Variants in CADPS observed in about 807,000 individuals in gnomAD.
CADPS encodes the protein calcium dependent secretion activator.
CADPS carries 57 observed loss-of-function variants against 167.3 expected under a neutral mutation model. The ratio of observed to expected loss-of-function variants is 0.34; its 90% CI spans 0.28 to 0.42. The LOEUF is 0.42. CADPS is among the 20% of genes least tolerant of loss of function. CADPS has a pLI of 1.00. For missense variants in CADPS, 1,414 were observed against 1,738.1 expected (o/e 0.81, Z 3.32); for synonymous variants, 676 against 635.3 (o/e 1.06, Z -0.96).
chr3:62,523,751 A>C (rs1378839197), intron 13 of CADPS, among the ~76,000 whole-genome samples: 1 of 152,228 alleles, frequency 6.6e-6, no homozygotes, highest in African/African-American at 2.4e-5. Flanking sequence ...TTCAGGCTCC[A>C]GTCACTACCA....
intron 3 of CADPS, among the ~76,000 whole-genome samples, chr3:62,676,883 C>A (rs552607065): frequency 6.6e-6 from 1 of 152,222 alleles, no homozygotes; most frequent in Non-Finnish European, 1.5e-5. Context: ...AACAAGATAG[C>A]GCCCTGGGTG....
At chr3:62,571,130 T>G (rs2081215712) in intron 8 of CADPS, among the ~76,000 whole-genome samples, 192 bp from the exon 9 acceptor site, 1 of 152,164 alleles carries the variant, frequency 6.6e-6, no homozygotes, top group South Asian at 2.1e-4. Flanking sequence ...ACAGGAGGAA[T>G]TGAGGCCTAT....
intron 1 of CADPS, among the ~76,000 whole-genome samples, chr3:62,830,425 T>C (rs1383738855): frequency 2.0e-5 from 3 of 152,204 alleles, no homozygotes; most frequent in Non-Finnish European, 4.4e-5. Flanking sequence ...TCTTTTTCCC[T>C]CTTGGATATA....
chr3:62,612,540 T>C (rs833631), intron 6 of CADPS, among the ~76,000 whole-genome samples: 141,765 of 152,282 alleles, frequency 0.93, 66,017 homozygotes, highest in Admixed American at 0.96. Context: ...CTTCTGAACC[T>C]TCTGATTCCA....
intron 3 of CADPS, among the ~76,000 whole-genome samples, chr3:62,663,999 A>G (rs1170948222): frequency 6.6e-6 from 1 of 152,106 alleles, no homozygotes; most frequent in African/African-American, 2.4e-5. Context: ...GATTTTGACC[A>G]ACTCAACTAT....
At chr3:62,657,715 C>T (rs1251469957) in intron 4 of CADPS, among the ~76,000 whole-genome samples, 2 of 152,152 alleles carry the variant, frequency 1.3e-5, no homozygotes, top group African/African-American at 4.8e-5. Flanking sequence ...CCGTCTCTGT[C>T]TGATGATTCG....
At chr3:62,759,806 T>C (rs1027534173) in intron 2 of CADPS, among the ~76,000 whole-genome samples, 3 of 152,184 alleles carry the variant, frequency 2.0e-5, no homozygotes, top group African/African-American at 7.2e-5. Context: ...GTCTGTTTTA[T>C]TTTTATAGTG....
chr3:62,781,487 T>G (rs1344323930), intron 1 of CADPS, among the ~76,000 whole-genome samples: 1 of 152,108 alleles, frequency 6.6e-6, no homozygotes, highest in East Asian at 1.9e-4. Flanking sequence ...CCTGGGCCTC[T>G]GACACATCAG....
In CADPS at chr3:62,403,135, C is replaced by T; in HGVS notation, c.3828G>A (p.Arg1276=). 1 of 1,613,722 alleles carries T rather than the reference C, an allele frequency of 6.2e-7. No homozygotes were observed. Among genetic ancestry groups the T allele is most frequent in the Non-Finnish European group, 8.5e-7 (1 of 1,179,718 alleles). Reference sequence around the variant, plus strand: ...GATAAATATGAAGCTGTAAGTCCATCCGGTCCGTCAACCAGGTGCAGATCA... The same window carrying T: ...GATAAATATGAAGCTGTAAGTCCATTCGGTCCGTCAACCAGGTGCAGATCA... ...MNVICTWLTD[R]MDLQLHIYQL... The change falls in exon 29 of 30, where the codon CGG becomes CGA. Residue 1276 remains arginine (R), a synonymous_variant. Transcript: ENST00000383710.
At chr3:62,608,198 C>T (rs2060960955) in intron 6 of CADPS, among the ~76,000 whole-genome samples, 1 of 151,908 alleles carries the variant, frequency 6.6e-6, no homozygotes, top group Non-Finnish European at 1.5e-5. Flanking sequence ...TACTGTGGGA[C>T]CCCACACCCA....
intron 6 of CADPS, among the ~76,000 whole-genome samples, chr3:62,616,226 T>C (rs962420226): frequency 6.6e-6 from 1 of 152,238 alleles, no homozygotes; most frequent in African/African-American, 2.4e-5. Flanking sequence ...TAAATTTTTA[T>C]GAATTATTTG....
At chr3:62,657,121 G>C (rs183474068) in intron 4 of CADPS, among the ~76,000 whole-genome samples, 8 of 152,258 alleles carry the variant, frequency 5.3e-5, no homozygotes, top group Non-Finnish European at 8.8e-5. Flanking sequence ...TCTTTCTCTG[G>C]TAGGAGAGGA....
At position 62,544,363 on chromosome 3, in the gene CADPS, G is replaced by GTATC. The variant is rs928898283; in HGVS notation, c.1966+5536_1966+5539dup. ...TTTCCTACCCCACTTATTTTTTAAG[G>GTATC]TATCCATGGTTACCACACCACTGGT... On this transcript the variant is annotated intron_variant, in intron 11 of 29. Coordinates refer to ENST00000383710, the MANE Select transcript of CADPS (RefSeq NM_003716.4). The surrounding 1 kb of genome is among the most constrained non-coding windows in gnomAD (Gnocchi z 4.4). 6.6e-6 allele frequency among the ~76,000 whole-genome samples: 1 copy of GTATC among 151,864 alleles called. No individual in the cohort carries two copies. The highest frequency in any genetic ancestry group is 2.4e-5 in the African/African-American group (1 of 41,334).
chr3:62,674,657 A>C lies in CADPS; in HGVS notation c.889-12263T>G, dbSNP rs553516083. Among the ~76,000 whole-genome samples the C allele has an allele frequency of 7.2e-5, 11 of 152,346 alleles. No individual in the cohort carries two copies. The South Asian group carries it at 1.7e-3, about 23-fold the overall frequency. ...GCCAAATTCTCCAACAGATGGGAGAAAAAGAACGAACTAAAAAACCCAAAA... is the reference window on the plus strand; with the variant it reads ...GCCAAATTCTCCAACAGATGGGAGACAAAGAACGAACTAAAAAACCCAAAA... On this transcript the variant is annotated intron_variant, in intron 3 of 29. Coordinates refer to ENST00000383710, the MANE Select transcript of CADPS (RefSeq NM_003716.4).
At chr3:62,731,782 T>C (rs1202074481) in intron 3 of CADPS, among the ~76,000 whole-genome samples, 1 of 95,340 alleles carries the variant, frequency 1.0e-5, no homozygotes, top group East Asian at 2.6e-4. Flanking sequence ...GCTGACTTCC[T>C]GGTGAAAGAA....
At chr3:62,692,382 A>G (rs1229215068) in intron 3 of CADPS, among the ~76,000 whole-genome samples, 2 of 71,070 alleles carry the variant, frequency 2.8e-5, no homozygotes, top group African/African-American at 1.1e-4. Flanking sequence ...ACTTATGAGT[A>G]CGGTTTTTTC....
rs769172104 is a variant in CADPS, at chr3:62,420,730, A to G, written c.3777+17374T>C. On this transcript the variant is annotated intron_variant, in intron 28 of 29. Coordinates refer to ENST00000383710, the MANE Select transcript of CADPS (RefSeq NM_003716.4). The surrounding 1 kb of genome is among the most constrained non-coding windows in gnomAD (Gnocchi z 4.1). ...AAGTTAACATGTGTTTTCACCATGTACAGCTGGGTTCTGCCTCCAATGGCG... is the reference window on the plus strand; with the variant it reads ...AAGTTAACATGTGTTTTCACCATGTGCAGCTGGGTTCTGCCTCCAATGGCG... Among the ~76,000 whole-genome samples, 5 of 152,190 alleles carry G rather than the reference A, an allele frequency of 3.3e-5. No individual in the cohort carries two copies. The highest frequency in any genetic ancestry group is 7.3e-5 in the Non-Finnish European group (5 of 68,038).
At position 62,602,072 on chromosome 3, in the gene CADPS, T is replaced by G. The variant is rs1001185233; in HGVS notation, c.1326-9324A>C. Among the ~76,000 whole-genome samples, 1 of 151,996 alleles carries G rather than the reference T, an allele frequency of 6.6e-6. No individual in the cohort carries two copies. The highest frequency in any genetic ancestry group is 2.1e-4 in the South Asian group (1 of 4,806). The stretch of plus-strand genomic sequence containing the variant: ...TACACACAGTAATTTTCATTAGAAT[T>G]TTTCCCCCCATGAACAAAAAACAAC... On this transcript the variant is annotated intron_variant, in intron 6 of 29. Coordinates refer to ENST00000383710, the MANE Select transcript of CADPS (RefSeq NM_003716.4). This position sits in a 1 kb window ranked among gnomAD's most constrained non-coding sequence, Gnocchi z 4.4.
Position 62,602,485 on chromosome 3 carries a change from T to C in CADPS, c.1326-9737A>G, listed in dbSNP as rs913127765. Among the ~76,000 whole-genome samples, 1 of 152,142 alleles carries C rather than the reference T, an allele frequency of 6.6e-6. No homozygotes were observed. The highest frequency in any genetic ancestry group is 1.5e-5 in the Non-Finnish European group (1 of 68,032). ...GTGGTCCTGTTGCTAAGAAGGAAAGTTAATAATTGCCTGGAGACAGCTGCA... is the reference window on the plus strand; with the variant it reads ...GTGGTCCTGTTGCTAAGAAGGAAAGCTAATAATTGCCTGGAGACAGCTGCA... On this transcript the variant is annotated intron_variant, in intron 6 of 29. Transcript: ENST00000383710. This position sits in a 1 kb window ranked among gnomAD's most constrained non-coding sequence, Gnocchi z 4.4.
Sources: allele counts gnomAD v4.1 joint callset (sites outside exome capture counted in the v4.1 genomes callset), GRCh38; gene constraint gnomAD v4.1.1; non-coding constraint Gnocchi (gnomAD v3.1); transcripts MANE v1.5; gene names NCBI Gene and HGNC (gene_info 2026-07-23, HGNC 2026-07-21).